ADAMTS18: variants seen among roughly 807,000 people sequenced by gnomAD.
The protein encoded by ADAMTS18 is ADAM metallopeptidase with thrombospondin type 1 motif 18, also known as A disintegrin and metalloproteinase with thrombospondin motifs 18.
A neutral mutation model predicts 165.9 loss-of-function variants in ADAMTS18; 157 were observed. The observed-to-expected ratio is 0.95, with a 90% CI of 0.83 to 1.08. The LOEUF (loss-of-function observed/expected upper bound fraction) is 1.08, where lower values mean the gene tolerates loss of function less well. ADAMTS18 is among the 50% of genes least tolerant of loss of function. The pLI is 0.00. For missense variants in ADAMTS18, 2,040 were observed against 1,534.0 expected, an observed-to-expected ratio of 1.33 and a Z score of -5.51; for synonymous variants, 782 against 578.2, an observed-to-expected ratio of 1.35 and a Z score of -5.06.
At chr16:77,377,021 G>C in intron 3 of ADAMTS18, among the ~76,000 whole-genome samples, 1 of 151,834 alleles carries the variant, frequency 6.6e-6, no homozygotes, top group East Asian at 1.9e-4. Flanking sequence ...CATCACATTG[G>C]CCAGGCTGGT....
At chr16:77,364,483 C>A (rs2056763802) in intron 4 of ADAMTS18, 102 bp from the exon 5 acceptor site, 12 of 1,286,000 alleles carry the variant, frequency 9.3e-6, no homozygotes, top group Non-Finnish European at 1.3e-5. Flanking sequence ...ACTATGTAAC[C>A]AACACACCAC....
At chr16:77,349,261 G>A (rs972569625) in intron 10 of ADAMTS18, among the ~76,000 whole-genome samples, 7 of 151,816 alleles carry the variant, frequency 4.6e-5, no homozygotes, top group Admixed American at 6.6e-5. Context: ...TCCCCCTTTC[G>A]GTTCCTAAAT....
intron 3 of ADAMTS18, among the ~76,000 whole-genome samples, chr16:77,403,851 C>G (rs567810092): frequency 6.6e-6 from 1 of 151,996 alleles, no homozygotes; most frequent in African/African-American, 2.4e-5. Flanking sequence ...GGAAGGGACA[C>G]GATGCCATGC....
rs1223487760 is a variant in ADAMTS18, at chr16:77,434,618, C to T, written c.78G>A (p.Gly26=). 4 of 1,511,784 alleles carry T rather than the reference C, an allele frequency of 2.6e-6. No homozygotes were observed. Among genetic ancestry groups the T allele is most frequent in the Non-Finnish European group, 3.5e-6 (4 of 1,136,892 alleles). 93.6% of individuals were successfully genotyped at this position (1,511,784 alleles called of 1,614,324 possible). Reference sequence around the variant, plus strand: ...CGGCGGCACCTGCCTTGGCCACGCGCCCCAGTCCCGCCAGGCCCCTCGGCG... The same window carrying T: ...CGGCGGCACCTGCCTTGGCCACGCGTCCCAGTCCCGCCAGGCCCCTCGGCG... The part of the protein sequence containing the change: ...SGPPRGLAGL[G]RVAKALQLCC... The change falls in exon 1 of 23, where the codon GGG becomes GGA. Residue 26 remains glycine (G), a synonymous_variant. Coordinates refer to ENST00000282849, the MANE Select transcript of ADAMTS18 (RefSeq NM_199355.4).
chr16:77,358,086 G>A (rs919109024), intron 8 of ADAMTS18, among the ~76,000 whole-genome samples: 8 of 152,160 alleles, frequency 5.3e-5, no homozygotes, highest in Non-Finnish European at 1.0e-4. Flanking sequence ...CTTTGTATGA[G>A]AAGCATTGTT....
chr16:77,364,841 C>T lies in ADAMTS18; in HGVS notation c.779-460G>A, dbSNP rs2056770405. Among the ~76,000 whole-genome samples, 3 of 151,968 alleles carry T rather than the reference C, an allele frequency of 2.0e-5. No individual in the cohort carries two copies. In the South Asian group the frequency reaches 6.3e-4, roughly 32 times the overall value. ...GAGCTCTAGGCCAGGCGTGGTGGCTCACGCCCGTAATCCCAGCAATTTGAG... is the reference window on the plus strand; with the variant it reads ...GAGCTCTAGGCCAGGCGTGGTGGCTTACGCCCGTAATCCCAGCAATTTGAG... On this transcript the variant is annotated intron_variant, in intron 4 of 22. Transcript: ENST00000282849.
chr16:77,350,914 C>T (rs989497730), intron 10 of ADAMTS18, among the ~76,000 whole-genome samples: 2 of 151,846 alleles, frequency 1.3e-5, no homozygotes, highest in Admixed American at 1.3e-4. Context: ...CTATGCAATG[C>T]TTTCTAGGAG....
At chr16:77,298,514 G>A (rs1376112270) in intron 17 of ADAMTS18, among the ~76,000 whole-genome samples, 2 of 152,112 alleles carry the variant, frequency 1.3e-5, no homozygotes, top group East Asian at 1.9e-4. Context: ...CATCAAGGCC[G>A]GGCACGATGG....
intron 16 of ADAMTS18, among the ~76,000 whole-genome samples, chr16:77,308,120 G>C (rs2055714553): frequency 6.6e-6 from 1 of 152,098 alleles, no homozygotes; most frequent in South Asian, 2.1e-4. Flanking sequence ...ACTAGGAATG[G>C]GCTTTCAAAG....
chr16:77,287,993 G>A lies in ADAMTS18; in HGVS notation c.3550+1271C>T, dbSNP rs115211564. Among the ~76,000 whole-genome samples, 567 of 152,252 alleles carry A rather than the reference G, an allele frequency of 3.7e-3. 5 individuals carry two copies. The highest frequency in any genetic ancestry group is 0.013 in the African/African-American group (551 of 41,536). ...GGTATATAAGGTGCTTGGTGACTTG[G>A]CTTTGAACAAGATCGAGGACCTCAC... On this transcript the variant is annotated intron_variant, in intron 22 of 22. Coordinates refer to ENST00000282849, the MANE Select transcript of ADAMTS18 (RefSeq NM_199355.4).
chr16:77,400,485 GTTTTTT>G (rs71137813), intron 3 of ADAMTS18, among the ~76,000 whole-genome samples: 2 of 114,702 alleles, frequency 1.7e-5, no homozygotes, highest in African/African-American at 6.5e-5. Context: ...TGTGTGTTTT[GTTTTTT>G]TTTTTTTTGA....
intron 3 of ADAMTS18, among the ~76,000 whole-genome samples, chr16:77,399,974 G>C (rs753869825): frequency 3.9e-5 from 6 of 152,108 alleles, no homozygotes; most frequent in Non-Finnish European, 7.4e-5. Context: ...ATCTTGCCAG[G>C]TATGGGCTCT....
intron 2 of ADAMTS18, among the ~76,000 whole-genome samples, chr16:77,434,186 T>G (rs1597271648): frequency 1.3e-5 from 2 of 152,022 alleles, no homozygotes; most frequent in African/African-American, 4.8e-5. Context: ...ACAAGCCACC[T>G]GTGAAGGAGG....
At chr16:77,344,942 C>T (rs1036520046) in intron 10 of ADAMTS18, among the ~76,000 whole-genome samples, 2 of 152,102 alleles carry the variant, frequency 1.3e-5, no homozygotes, top group Admixed American at 6.6e-5. Flanking sequence ...TACCTCCCCC[C>T]TCTTTTTACC....
At chr16:77,416,216 A>G (rs1383765743) in intron 3 of ADAMTS18, among the ~76,000 whole-genome samples, 2 of 152,174 alleles carry the variant, frequency 1.3e-5, no homozygotes, top group African/African-American at 4.8e-5. Flanking sequence ...TTCCAAGTGC[A>G]GTCACTGAGG....
At chr16:77,302,539 T>C (rs1475889679) in intron 16 of ADAMTS18, among the ~76,000 whole-genome samples, 2 of 152,202 alleles carry the variant, frequency 1.3e-5, no homozygotes, top group Non-Finnish European at 2.9e-5. Context: ...AGCTTAAGTA[T>C]AAATGCTATA....
chr16:77,303,168 G>A (rs532516343), intron 16 of ADAMTS18, among the ~76,000 whole-genome samples: 1 of 152,134 alleles, frequency 6.6e-6, no homozygotes, highest in Non-Finnish European at 1.5e-5. Flanking sequence ...TCTCCACCAG[G>A]ATGTGACCAC....
intron 16 of ADAMTS18, among the ~76,000 whole-genome samples, chr16:77,310,341 G>A (rs2055757246): frequency 6.6e-6 from 1 of 152,152 alleles, no homozygotes; most frequent in Non-Finnish European, 1.5e-5. Context: ...GTTTGGGGGT[G>A]CTCTAAAAGT....
chr16:77,335,639 T>A, intron 12 of ADAMTS18, 117 bp downstream of exon 12: 1 of 1,268,196 alleles, frequency 7.9e-7, no homozygotes, highest in South Asian at 1.2e-5. Context: ...ATAACCATTA[T>A]GTAGCCATAA....
Sources: gnomAD v4.1 joint callset for allele counts (sites outside exome capture counted in the v4.1 genomes callset) on GRCh38, gnomAD v4.1.1 for gene constraint, MANE v1.5 for transcripts, NCBI Gene and HGNC (gene_info 2026-07-23, HGNC 2026-07-21) for gene names.